Variants in RABGAP1 observed in about 807,000 individuals in gnomAD.
RABGAP1 encodes RAB GTPase activating protein 1, also known as rab GTPase-activating protein 1.
RABGAP1 carries 23 observed loss-of-function variants against 137.6 expected under a neutral mutation model. The ratio of observed to expected loss-of-function variants is 0.17; its 90% CI spans 0.12 to 0.24. The LOEUF (loss-of-function observed/expected upper bound fraction) is 0.24, where lower values mean the gene tolerates loss of function less well. Ranked by LOEUF, RABGAP1 falls within the 10% of genes least tolerant of loss-of-function variation. RABGAP1 has a pLI of 1.00. For synonymous variants in RABGAP1, 451 were observed against 450.7 expected (o/e 1.00, Z -0.01); for missense variants, 906 against 1,275.8 (o/e 0.71, Z 4.42).
intron 24 of RABGAP1, among the ~76,000 whole-genome samples, chr9:123,101,231 G>A (rs2035335461): frequency 6.6e-6 from 1 of 152,044 alleles, no homozygotes; most frequent in Non-Finnish European, 1.5e-5. Context: ...AATTGTTTTT[G>A]AATAGTTTAT....
At chr9:123,042,004 A>C (rs1045929948) in intron 13 of RABGAP1, among the ~76,000 whole-genome samples, 1 of 152,184 alleles carries the variant, frequency 6.6e-6, no homozygotes, top group African/African-American at 2.4e-5. Context: ...ATTGCAGCAG[A>C]AGGTGGGAGA....
chr9:122,958,197 T>C (rs1834640457), intron 2 of RABGAP1, among the ~76,000 whole-genome samples: 1 of 152,018 alleles, frequency 6.6e-6, no homozygotes, highest in African/African-American at 2.4e-5. Flanking sequence ...AATAAAGACA[T>C]TGTAGTCCTG....
At chr9:123,026,050 G>A (rs1237511468) in intron 13 of RABGAP1, among the ~76,000 whole-genome samples, 3 of 146,356 alleles carry the variant, frequency 2.0e-5, no homozygotes, top group East Asian at 2.0e-4. Context: ...TTGGCCGGGC[G>A]CAGTGGCTCA....
At chr9:123,002,205 A>G (rs1052583630) in intron 10 of RABGAP1, among the ~76,000 whole-genome samples, 1 of 151,868 alleles carries the variant, frequency 6.6e-6, no homozygotes, top group African/African-American at 2.4e-5. Context: ...GGAGGCTGAA[A>G]CAGGAGAATT....
At chr9:123,082,927 T>C (rs1459310996) in intron 19 of RABGAP1, among the ~76,000 whole-genome samples, 1 of 152,250 alleles carries the variant, frequency 6.6e-6, no homozygotes, top group Non-Finnish European at 1.5e-5. Flanking sequence ...TCAAATTGTT[T>C]GTGTAGTTAG....
Position 122,957,018 on chromosome 9 carries a change from A to C in RABGAP1, c.-42A>C. 1 of 1,404,738 alleles carries C rather than the reference A, an allele frequency of 7.1e-7. No individual in the cohort carries two copies. The highest frequency in any genetic ancestry group is 1.4e-5 in the African/African-American group (1 of 70,144). The allele number at this position is 1,404,738 out of a possible 1,614,324, so 87.0% of individuals were successfully genotyped here. A position where few individuals can be genotyped will look rare whatever the true frequency, so the allele number is the denominator to read the frequency against. ...ATGGTTTTTGTTTTTCAGGCATTAA[A>C]AAATATTTAATCATTCATGTGTTGA... On this transcript the variant is annotated 5_prime_UTR_variant, in exon 2 of 26. Coordinates refer to ENST00000373647, the MANE Select transcript of RABGAP1 (RefSeq NM_012197.4).
intron 13 of RABGAP1, chr9:123,029,673 C>G (rs1049865893): frequency 2.9e-6 from 2 of 696,620 alleles, no homozygotes; most frequent in Non-Finnish European, 2.7e-6. Context: ...TGGCCTTGCC[C>G]CCGGGTTTGT....
chr9:122,945,049 T>G (rs1158416209), intron 1 of RABGAP1, among the ~76,000 whole-genome samples: 1 of 151,634 alleles, frequency 6.6e-6, no homozygotes, highest in African/African-American at 2.4e-5. Context: ...TTTTACTGAG[T>G]TTACATAGTT....
At chr9:123,044,622 C>T (rs1028698051) in intron 13 of RABGAP1, among the ~76,000 whole-genome samples, 5 of 99,838 alleles carry the variant, frequency 5.0e-5, no homozygotes, top group Non-Finnish European at 1.2e-4. Flanking sequence ...GGAAAACACA[C>T]GTACGTGTGT....
intron 19 of RABGAP1, among the ~76,000 whole-genome samples, chr9:123,079,286 C>T (rs1192974558): frequency 6.8e-6 from 1 of 147,024 alleles, no homozygotes; most frequent in Non-Finnish European, 1.5e-5. Flanking sequence ...GTCACCCAGG[C>T]CGGAGTGCAG....
At chr9:122,974,337 A>G (rs191425530) in intron 2 of RABGAP1, among the ~76,000 whole-genome samples, 139 of 151,644 alleles carry the variant, frequency 9.2e-4, no homozygotes, top group African/African-American at 3.1e-3. Flanking sequence ...TTGAAAGAAC[A>G]TGGAGTCAGG....
intron 13 of RABGAP1, among the ~76,000 whole-genome samples, chr9:123,021,551 C>A (rs1259971517): frequency 6.6e-6 from 1 of 152,070 alleles, no homozygotes; most frequent in East Asian, 1.9e-4. Context: ...GAATTCCTGG[C>A]CTCAAGCAAT....
At chr9:123,038,535 T>C (rs2032789673) in intron 13 of RABGAP1, among the ~76,000 whole-genome samples, 1 of 152,106 alleles carries the variant, frequency 6.6e-6, no homozygotes, top group Non-Finnish European at 1.5e-5. Flanking sequence ...AGGAATTGTT[T>C]TAATTTCACT....
chr9:123,060,012 C>G (rs1238279115), intron 13 of RABGAP1, among the ~76,000 whole-genome samples: 1 of 152,146 alleles, frequency 6.6e-6, no homozygotes, highest in Non-Finnish European at 1.5e-5. Context: ...AGAAAGATCT[C>G]CAGATCAGTG....
intron 21 of RABGAP1, among the ~76,000 whole-genome samples, chr9:123,093,065 G>A (rs2035076116): frequency 6.6e-6 from 1 of 152,180 alleles, no homozygotes; most frequent in East Asian, 1.9e-4. Flanking sequence ...ACTGAAGGGA[G>A]GAGTGTGGGG....
chr9:122,949,079 A>G (rs1230258639), intron 1 of RABGAP1, among the ~76,000 whole-genome samples: 1 of 152,222 alleles, frequency 6.6e-6, no homozygotes, highest in Non-Finnish European at 1.5e-5. Flanking sequence ...ATAGCGGAGT[A>G]GAAAAGAAGC....
At chr9:122,980,211 C>T (rs758021613) in intron 2 of RABGAP1, among the ~76,000 whole-genome samples, 4 of 152,142 alleles carry the variant, frequency 2.6e-5, no homozygotes, top group South Asian at 4.1e-4. Context: ...ATTATCTGGC[C>T]GTTTACAGAA....
chr9:123,006,759 C>T (rs2030312438), intron 10 of RABGAP1, among the ~76,000 whole-genome samples: 1 of 151,578 alleles, frequency 6.6e-6, no homozygotes, highest in South Asian at 2.1e-4. Context: ...AGGGTTGCAC[C>T]ACCACGCCTG....
chr9:122,986,128 A>G (rs1023656137), intron 3 of RABGAP1, 87 bp from the exon 4 acceptor site: 4 of 1,251,132 alleles, frequency 3.2e-6, no homozygotes. Flanking sequence ...TAGACCTTAA[A>G]TGTTACTTGC....
Sources: gnomAD v4.1 joint callset for allele counts (sites outside exome capture counted in the v4.1 genomes callset) on GRCh38, gnomAD v4.1.1 for gene constraint, MANE v1.5 for transcripts, NCBI Gene and HGNC (gene_info 2026-07-23, HGNC 2026-07-21) for gene names.